TNFRSF10A: variants seen among roughly 807,000 people sequenced by gnomAD.
TNFRSF10A encodes the protein tumor necrosis factor receptor superfamily member 10A.
Under a neutral mutation model 42.8 loss-of-function variants are expected in TNFRSF10A, and 44 were observed. The observed-to-expected ratio is 1.03, with a 90% CI of 0.81 to 1.32. The LOEUF (loss-of-function observed/expected upper bound fraction) is 1.32. Ranked by LOEUF, TNFRSF10A falls within the 40% of genes most tolerant of loss-of-function variation. The pLI is 0.00. For missense variants in TNFRSF10A, 680 were observed against 602.0 expected (o/e 1.13, Z -1.36); for synonymous variants, 259 against 234.2 (o/e 1.11, Z -0.97).
At chr8:23,224,735 A>C in intron 1 of TNFRSF10A, 21 bp downstream of exon 1, 1 of 1,553,864 alleles carries the variant, frequency 6.4e-7, no homozygotes, top group Non-Finnish European at 8.7e-7. Flanking sequence ...TTCCCCAGGC[A>C]GGACCGCGGT....
intron 1 of TNFRSF10A, among the ~76,000 whole-genome samples, chr8:23,223,953 C>G (rs1415787017): frequency 6.6e-6 from 1 of 152,156 alleles, no homozygotes; most frequent in East Asian, 1.9e-4. Context: ...TCAGTGGACT[C>G]GAAACGGAAG....
intron 2 of TNFRSF10A, among the ~76,000 whole-genome samples, chr8:23,208,702 T>A (rs1411372812): frequency 2.0e-5 from 3 of 152,162 alleles, no homozygotes; most frequent in Non-Finnish European, 4.4e-5. Context: ...ATGATCCACC[T>A]GCCTTGGCCT....
At chr8:23,200,121 A>T (rs990266487) in intron 6 of TNFRSF10A, among the ~76,000 whole-genome samples, 3 of 152,208 alleles carry the variant, frequency 2.0e-5, no homozygotes, top group African/African-American at 7.2e-5. Context: ...AAAACAAACA[A>T]GTGGAACATC....
At chr8:23,199,126 G>C in intron 8 of TNFRSF10A, 140 bp downstream of exon 8, 1 of 943,366 alleles carries the variant, frequency 1.1e-6, no homozygotes, top group Non-Finnish European at 1.5e-6. Context: ...CCCTTGTGAG[G>C]GTGGCTGCTT....
chr8:23,208,345 G>A (rs1157582009), intron 2 of TNFRSF10A, among the ~76,000 whole-genome samples: 2 of 152,190 alleles, frequency 1.3e-5, no homozygotes, highest in Non-Finnish European at 2.9e-5. Flanking sequence ...CTTGAGTGCT[G>A]TAAAAGGCAT....
intron 2 of TNFRSF10A, among the ~76,000 whole-genome samples, chr8:23,207,724 G>C (rs1255833444): frequency 6.6e-6 from 1 of 152,042 alleles, no homozygotes; most frequent in East Asian, 1.9e-4. Context: ...TATTATAAGG[G>C]GGAGTTTTCC....
At chr8:23,215,478 G>A (rs934398736) in intron 1 of TNFRSF10A, among the ~76,000 whole-genome samples, 15 of 152,010 alleles carry the variant, frequency 9.9e-5, no homozygotes, top group East Asian at 3.9e-4. Flanking sequence ...ACTGCACCCC[G>A]GCCTGCATGA....
intron 1 of TNFRSF10A, among the ~76,000 whole-genome samples, chr8:23,223,129 G>A (rs1801280310): frequency 6.6e-6 from 1 of 152,176 alleles, no homozygotes. Context: ...GCAGTGGCGT[G>A]GTCTCGGCTC....
chr8:23,199,658 A>G (rs535760041), intron 7 of TNFRSF10A, among the ~76,000 whole-genome samples: 1 of 152,204 alleles, frequency 6.6e-6, no homozygotes, highest in African/African-American at 2.4e-5. Context: ...GCTGTGGGGT[A>G]AGGGTCTCAC....
intron 2 of TNFRSF10A, among the ~76,000 whole-genome samples, chr8:23,210,869 A>T (rs936069488): frequency 2.8e-4 from 42 of 152,168 alleles, no homozygotes; most frequent in Admixed American, 4.6e-4. Context: ...TAACTCCAAC[A>T]CCCTTTCATG....
rs571095882 is a variant in TNFRSF10A, at chr8:23,199,352, C to A, written c.928G>T (p.Val310Phe). ...LSNADSLSTFVSEQQMESQEP... is the reference protein window; with the variant it reads ...LSNADSLSTFFSEQQMESQEP... ...TGGCTTTCCATTTGCTGCTCAGAGA[C>A]GAAAGTGGACAGCGAGTCTGCGTTG... The change falls in exon 8 of 10, where the codon GTC becomes TTC. Residue 310 changes from valine to phenylalanine, a missense_variant. By Grantham distance (50) the Val-to-Phe change is conservative. Transcript: ENST00000221132. 1.2e-6 allele frequency: 2 copies of A among 1,614,198 alleles called. No homozygotes were observed. The highest frequency in any genetic ancestry group is 4.5e-5 in the East Asian group (2 of 44,892).
chr8:23,207,182 A>T (rs1425189819), intron 2 of TNFRSF10A: 2 of 598,588 alleles, frequency 3.3e-6, no homozygotes, highest in Admixed American at 1.9e-5. Context: ...ACAACAACAC[A>T]CTTGTGTTCA....
At chr8:23,205,674 C>A (rs929858889) in intron 2 of TNFRSF10A, among the ~76,000 whole-genome samples, 7 of 151,306 alleles carry the variant, frequency 4.6e-5, no homozygotes, top group African/African-American at 1.2e-4. Context: ...TGTTGATGAA[C>A]CTGTCCTTGT....
chr8:23,198,787 G>A (rs866829577), intron 8 of TNFRSF10A, among the ~76,000 whole-genome samples: 30 of 152,320 alleles, frequency 2.0e-4, no homozygotes, highest in Admixed American at 5.9e-4. Context: ...GTATGTGCGT[G>A]TACACAGTAA....
chr8:23,224,664 G>A (rs909738542), intron 1 of TNFRSF10A, 92 bp downstream of exon 1: 190 of 1,446,614 alleles, frequency 1.3e-4, no homozygotes, highest in Middle Eastern at 2.5e-4. Flanking sequence ...AAGTGACCCG[G>A]GCCAGGCACC....
At chr8:23,192,057 C>G in intron 9 of TNFRSF10A, 44 bp from the exon 10 acceptor site, 1 of 1,574,914 alleles carries the variant, frequency 6.3e-7, no homozygotes, top group Non-Finnish European at 8.6e-7. Flanking sequence ...AGTTGGGACT[C>G]AGTTCAGAAG....
At chr8:23,198,532 TGA>T (rs1370158260) in intron 8 of TNFRSF10A, among the ~76,000 whole-genome samples, 3 of 151,990 alleles carry the variant, frequency 2.0e-5, no homozygotes, top group Non-Finnish European at 2.9e-5. Context: ...ATAAAGACTC[TGA>T]GAGACAAGAC....
At chr8:23,220,092 T>A (rs1439606831) in intron 1 of TNFRSF10A, among the ~76,000 whole-genome samples, 1 of 152,180 alleles carries the variant, frequency 6.6e-6, no homozygotes, top group African/African-American at 2.4e-5. Context: ...TGCTCTTCCC[T>A]ACAAAGCAGA....
intron 1 of TNFRSF10A, among the ~76,000 whole-genome samples, chr8:23,223,548 T>G (rs1287023546): frequency 6.6e-6 from 1 of 152,240 alleles, no homozygotes; most frequent in Non-Finnish European, 1.5e-5. Context: ...CCACCTAACA[T>G]AAACTGACGT....
Sources: allele counts gnomAD v4.1 joint callset (sites outside exome capture counted in the v4.1 genomes callset), GRCh38; gene constraint gnomAD v4.1.1; transcripts MANE v1.5; gene names NCBI Gene and HGNC (gene_info 2026-07-23, HGNC 2026-07-21).